MINDY4: variants seen among roughly 807,000 people sequenced by gnomAD.
The protein encoded by MINDY4 is probable ubiquitin carboxyl-terminal hydrolase MINDY-4.
MINDY4 carries 68 observed loss-of-function variants against 87.0 expected under a neutral mutation model. The ratio of observed to expected loss-of-function variants is 0.78; its 90% CI spans 0.64 to 0.96. MINDY4 has a LOEUF of 0.96. MINDY4 is among the 40% of genes least tolerant of loss of function. The pLI is 0.00. For missense variants in MINDY4, 919 were observed against 928.2 expected (o/e 0.99, Z 0.13); for synonymous variants, 379 against 363.2 (o/e 1.04, Z -0.50).
At chr7:30,797,732 G>A (rs930560523) in intron 5 of MINDY4, among the ~76,000 whole-genome samples, 1 of 152,120 alleles carries the variant, frequency 6.6e-6, no homozygotes, top group African/African-American at 2.4e-5. Context: ...TTTTAATAGG[G>A]TCCCTCTGGC....
chr7:30,874,936 A>G (rs555960527), intron 14 of MINDY4, among the ~76,000 whole-genome samples: 1 of 152,308 alleles, frequency 6.6e-6, no homozygotes, highest in East Asian at 1.9e-4. Flanking sequence ...TACTATTTTT[A>G]CAACTTCTTT....
Position 30,853,380 on chromosome 7 carries a change from T to C in MINDY4, c.1612-14T>C, listed in dbSNP as rs138740263. On this transcript the variant is annotated splice_polypyrimidine_tract_variant and intron_variant, in intron 11 of 17. Transcript: ENST00000265299. ...GGCTTGGGCCACTCATCCTGAGTGTTTGTGTCTTCTCAGCTTACGCTTCAC... is the reference window on the plus strand; with the variant it reads ...GGCTTGGGCCACTCATCCTGAGTGTCTGTGTCTTCTCAGCTTACGCTTCAC... 900 of 1,611,984 alleles carry C rather than the reference T, an allele frequency of 5.6e-4. 4 individuals carry two copies. The African/African-American group carries it at 0.011, about 20-fold the overall frequency.
chr7:30,881,418 C>T (rs771998634), intron 15 of MINDY4, among the ~76,000 whole-genome samples: 3 of 152,188 alleles, frequency 2.0e-5, no homozygotes, highest in Non-Finnish European at 4.4e-5. Flanking sequence ...CCCTGCTGCA[C>T]CCTGAATTTC....
rs758483462 is a variant in MINDY4 at position 30,859,273 on chromosome 7, A to C, written c.1694A>C (p.Tyr565Ser). Residue 565 changes from tyrosine (Y) to serine (S), a missense_variant, in exon 13 of 18, where the codon TAT (tyrosine) becomes TCT (serine). Physicochemically the swap from Tyr to Ser is moderately radical, Grantham distance 144. Transcript: ENST00000265299. ...QSIHQFEVGP[Y>S]GCILLTLSAI... is the part of the protein sequence containing the mutation. ...CCCTCCCAGTTTGAAGTGGGCCCCT[A>C]TGGCTGCATCCTGCTCACCCTTTCT... 5 of 1,614,026 alleles carry C rather than the reference A, an allele frequency of 3.1e-6. No homozygotes were observed. The Admixed American group carries it at 8.3e-5, about 27-fold the overall frequency.
At chr7:30,772,358 G>A (rs969560377) in intron 1 of MINDY4, among the ~76,000 whole-genome samples, 3 of 152,192 alleles carry the variant, frequency 2.0e-5, no homozygotes, top group Admixed American at 6.5e-5. Flanking sequence ...ATGGAGGAAA[G>A]GGGAAGGACT....
At chr7:30,885,706 A>C (rs866146164) in intron 17 of MINDY4, among the ~76,000 whole-genome samples, 1,429 of 123,702 alleles carry the variant, frequency 0.012, no homozygotes, top group African/African-American at 0.024. Context: ...GGCAGTGCCC[A>C]CCCCCCCCCC....
chr7:30,833,987 A>C (rs1788785732), intron 6 of MINDY4, among the ~76,000 whole-genome samples: 1 of 152,172 alleles, frequency 6.6e-6, no homozygotes, highest in South Asian at 2.1e-4. Flanking sequence ...CCTCCCTCCC[A>C]GTTGCTTTCA....
chr7:30,855,472 G>T (rs1789542345), intron 12 of MINDY4, among the ~76,000 whole-genome samples: 2 of 152,238 alleles, frequency 1.3e-5, no homozygotes, highest in South Asian at 4.1e-4. Flanking sequence ...CACACTCCCA[G>T]CTGAAGCAGA....
chr7:30,877,716 CTG>C (rs1790311787), intron 15 of MINDY4, among the ~76,000 whole-genome samples: 1 of 145,492 alleles, frequency 6.9e-6, no homozygotes, highest in African/African-American at 2.5e-5. Flanking sequence ...AGGTCTCACT[CTG>C]TCACCCATGC....
intron 9 of MINDY4, among the ~76,000 whole-genome samples, chr7:30,841,741 T>C (rs1789047059): frequency 6.6e-6 from 1 of 152,228 alleles, no homozygotes; most frequent in Admixed American, 6.5e-5. Flanking sequence ...ACACATTGTC[T>C]AGATTAAGAA....
In MINDY4 at chr7:30,785,739, T is replaced by G; in HGVS notation, c.420-10T>G. Reference sequence around the variant, plus strand: ...GAGTCTGTTTTAATGGAAATATTCCTTTTTCACAGACATGACAATCTTGAT... The same window carrying G: ...GAGTCTGTTTTAATGGAAATATTCCGTTTTCACAGACATGACAATCTTGAT... On this transcript the variant is annotated splice_polypyrimidine_tract_variant and intron_variant, in intron 3 of 17. Coordinates refer to ENST00000265299, the MANE Select transcript of MINDY4 (RefSeq NM_032222.3). The G allele has an allele frequency of 1.2e-6, 2 of 1,613,902 alleles. No individual in the cohort carries two copies. Among genetic ancestry groups the G allele is most frequent in the Non-Finnish European group, 1.7e-6 (2 of 1,179,878 alleles).
chr7:30,852,230 A>G lies in MINDY4; in HGVS notation c.1562A>G (p.Gln521Arg). ...TTCCTTTTTAGGGCTTCGAGAACAC[A>G]GCAGTTCAGTCCAACAGGGAAATAC... The part of the protein sequence containing the change: ...RAVVALASRT[Q>R]QFSPTGKYKA... Residue 521 changes from glutamine (Q) to arginine (R), a missense_variant, in exon 11 of 18, where the codon CAG becomes CGG. Transcript: ENST00000265299. The G allele has an allele frequency of 6.2e-7, 1 of 1,614,224 alleles. No homozygotes were observed.
At chr7:30,814,949 C>T (rs527664707) in intron 5 of MINDY4, among the ~76,000 whole-genome samples, 1 of 152,264 alleles carries the variant, frequency 6.6e-6, no homozygotes, top group South Asian at 2.1e-4. Context: ...AATACTTCAT[C>T]CTAGAAGTTG....
intron 5 of MINDY4, among the ~76,000 whole-genome samples, chr7:30,806,063 T>A (rs868743026): frequency 6.6e-6 from 1 of 152,328 alleles, no homozygotes; most frequent in Admixed American, 6.5e-5. Flanking sequence ...GTTCCTGAAG[T>A]GCCTTTTAAA....
intron 5 of MINDY4, among the ~76,000 whole-genome samples, chr7:30,805,710 A>G (rs1711852503): frequency 6.6e-6 from 1 of 152,160 alleles, no homozygotes; most frequent in Non-Finnish European, 1.5e-5. Flanking sequence ...CGGGGCAGAA[A>G]GTCAACTGTC....
intron 5 of MINDY4, among the ~76,000 whole-genome samples, chr7:30,817,627 AGGGGCT>A (rs1429087170): frequency 6.6e-6 from 1 of 151,932 alleles, no homozygotes; most frequent in Non-Finnish European, 1.5e-5. Context: ...GCAGGTGGGG[AGGGGCT>A]GGGTCTGAAA....
rs562886240 is a variant in MINDY4 at position 30,782,797 on chromosome 7, G to A, written c.419+585G>A. On this transcript the variant is annotated intron_variant, in intron 3 of 17. Transcript: ENST00000265299. ...AATCTGTAGGGCAGGCTGGAAATCT[G>A]GAAACTCAGACAGGATTTTTATGTT... Among the ~76,000 whole-genome samples the A allele has an allele frequency of 6.6e-4, 101 of 152,262 alleles. 1 individual carries two copies. The highest frequency in any genetic ancestry group is 2.2e-3 in the African/African-American group (91 of 41,536).
chr7:30,835,748 T>C (rs1788837465), intron 6 of MINDY4, among the ~76,000 whole-genome samples: 1 of 152,234 alleles, frequency 6.6e-6, no homozygotes, highest in South Asian at 2.1e-4. Flanking sequence ...AGCCCTCAGC[T>C]ACCCTCTGGA....
chr7:30,808,101 G>A (rs1487993825), intron 5 of MINDY4, among the ~76,000 whole-genome samples: 2 of 152,190 alleles, frequency 1.3e-5, no homozygotes, highest in Non-Finnish European at 2.9e-5. Context: ...CTTGAGCGAC[G>A]CAGATCCTGA....
Sources: gnomAD v4.1 joint callset for allele counts (sites outside exome capture counted in the v4.1 genomes callset) on GRCh38, gnomAD v4.1.1 for gene constraint, MANE v1.5 for transcripts, NCBI Gene and HGNC (gene_info 2026-07-23, HGNC 2026-07-21) for gene names.